AGK: variants seen among roughly 807,000 people sequenced by gnomAD.
AGK encodes acylglycerol kinase, mitochondrial.
Under a neutral mutation model 66.4 loss-of-function variants are expected in AGK, and 52 were observed. The ratio of observed to expected loss-of-function variants is 0.78; its 90% CI spans 0.63 to 0.99. AGK has a LOEUF of 0.99. AGK is among the 50% of genes least tolerant of loss of function. The pLI, the probability that AGK is intolerant of heterozygous loss-of-function variation, is 0.00. For synonymous variants in AGK, 182 were observed against 181.1 expected, an observed-to-expected ratio of 1.00 and a Z score of -0.04; for missense variants, 451 against 506.6, an observed-to-expected ratio of 0.89 and a Z score of 1.05.
intron 3 of AGK, among the ~76,000 whole-genome samples, chr7:141,596,000 CAAAT>C (rs1796216685): frequency 6.6e-6 from 1 of 152,162 alleles, no homozygotes; most frequent in African/African-American, 2.4e-5. Flanking sequence ...GTAAAAATGT[CAAAT>C]AAAAGGTGCT....
At chr7:141,564,502 T>G (rs534886413) in intron 2 of AGK, among the ~76,000 whole-genome samples, 2 of 152,156 alleles carry the variant, frequency 1.3e-5, no homozygotes, top group African/African-American at 4.8e-5. Context: ...AGGGTGGAGG[T>G]AACCACTCCC....
chr7:141,642,007 T>C, intron 13 of AGK, 99 bp downstream of exon 13: 1 of 1,086,306 alleles, frequency 9.2e-7, no homozygotes, highest in Non-Finnish European at 1.4e-6. Flanking sequence ...ATTTTTACCC[T>C]GTGGAGATAG....
At position 141,654,159 on chromosome 7, in the gene AGK, G is replaced by GTGTT. The variant is rs562032879; in HGVS notation, c.*1244_*1247dup. 2.2e-3 allele frequency: 328 copies of GTGTT among 152,024 alleles called. 3 individuals are homozygous for GTGTT. Among genetic ancestry groups the GTGTT allele is most frequent in the African/African-American group, 7.1e-3 (295 of 41,454 alleles). 9.4% of individuals were successfully genotyped at this position (152,024 alleles called of 1,614,324 possible). ...ATTTTTTTTTTAGCTCTTGCTTTAA[G>GTGTT]TGTTTGTTTGTTATCTCAGTCCAGA... On this transcript the variant is annotated 3_prime_UTR_variant, in exon 16 of 16. Transcript: ENST00000649286.
chr7:141,643,493 C>T (rs1320631907), intron 13 of AGK, among the ~76,000 whole-genome samples: 1 of 152,026 alleles, frequency 6.6e-6, no homozygotes, highest in African/African-American at 2.4e-5. Context: ...ACATTCTAAA[C>T]AAACTTTTAA....
intron 2 of AGK, among the ~76,000 whole-genome samples, chr7:141,591,738 T>C (rs1276111900): frequency 6.6e-6 from 1 of 152,254 alleles, no homozygotes; most frequent in Non-Finnish European, 1.5e-5. Flanking sequence ...GTTCATCTTT[T>C]CTGGGTATTT....
chr7:141,575,997 C>A (rs144476933), intron 2 of AGK, among the ~76,000 whole-genome samples: 1,764 of 152,258 alleles, frequency 0.012, 19 homozygotes, highest in Non-Finnish European at 0.018. Flanking sequence ...AACTTGCTAA[C>A]TATGAACTTG....
chr7:141,568,517 C>A (rs1197193451), intron 2 of AGK, among the ~76,000 whole-genome samples: 1 of 152,008 alleles, frequency 6.6e-6, no homozygotes, highest in East Asian at 1.9e-4. Context: ...GTGCTTCTGA[C>A]ACCAGTTCTG....
Position 141,596,711 on chromosome 7 carries a change from A to G in AGK, c.221+70A>G. The G allele has an allele frequency of 4.4e-6, 6 of 1,352,678 alleles. No homozygotes were observed. In the South Asian group the frequency reaches 7.1e-5, roughly 16 times the overall value. 83.8% of individuals were successfully genotyped at this position (1,352,678 alleles called of 1,614,324 possible). Reference sequence around the variant, plus strand: ...GGAAAGAAATCACAGACTATCAGGCAGCTAGTGAGATTGTGTGGAATTGGA... The same window carrying G: ...GGAAAGAAATCACAGACTATCAGGCGGCTAGTGAGATTGTGTGGAATTGGA... On this transcript the variant is annotated intron_variant, in intron 4 of 15. Coordinates refer to ENST00000649286, the MANE Select transcript of AGK (RefSeq NM_018238.4).
intron 14 of AGK, chr7:141,650,764 C>T (rs1354458807): frequency 2.4e-6 from 2 of 842,298 alleles, no homozygotes; most frequent in South Asian, 5.5e-5. Flanking sequence ...CCCACGGTAT[C>T]CTTGGGGTAT....
chr7:141,596,727 T>C, intron 4 of AGK, 86 bp downstream of exon 4: 2 of 1,205,576 alleles, frequency 1.7e-6, no homozygotes, highest in East Asian at 2.3e-5. Flanking sequence ...TGAGATTGTG[T>C]GGAATTGGAA....
Position 141,598,348 on chromosome 7 carries a change from CA to C in AGK, c.221+1711del, listed in dbSNP as rs1342553837. 2.0e-5 allele frequency among the ~76,000 whole-genome samples: 3 copies of C among 152,118 alleles called. No homozygotes were observed. Among genetic ancestry groups the C allele is most frequent in the African/African-American group, 7.2e-5 (3 of 41,414 alleles). ...TCAACAAGCCCTAATATAACACAGT[CA>C]AAATACCTAAGATAAGTAAATTGTC... On this transcript the variant is annotated intron_variant, in intron 4 of 15. Coordinates refer to ENST00000649286, the MANE Select transcript of AGK (RefSeq NM_018238.4). The surrounding 1 kb of genome is among the most constrained non-coding windows in gnomAD (Gnocchi z 4.2).
intron 2 of AGK, among the ~76,000 whole-genome samples, chr7:141,557,247 T>C (rs191048057): frequency 2.3e-3 from 349 of 152,334 alleles, no homozygotes; most frequent in Middle Eastern, 0.02. Flanking sequence ...TGCAATACAT[T>C]CCCCTTCTTT....
chr7:141,558,771 A>G (rs557121722), intron 2 of AGK, among the ~76,000 whole-genome samples: 2 of 152,206 alleles, frequency 1.3e-5, no homozygotes, highest in East Asian at 1.9e-4. Flanking sequence ...CAGTTTCTCC[A>G]CGCCCTCATC....
intron 2 of AGK, among the ~76,000 whole-genome samples, chr7:141,556,540 C>CAAAAAAA (rs35273565): frequency 1.1e-5 from 1 of 88,120 alleles, no homozygotes; most frequent in Non-Finnish European, 2.4e-5. Flanking sequence ...GACCCTGTCT[C>CAAAAAAA]AAAAAAAAAA....
At chr7:141,615,608 G>T (rs1796686944) in intron 8 of AGK, 43 bp downstream of exon 8, 1 of 1,483,390 alleles carries the variant, frequency 6.7e-7, no homozygotes, top group African/African-American at 1.4e-5. Flanking sequence ...GGGTGAGCGA[G>T]ACTGGGAATG....
intron 5 of AGK, among the ~76,000 whole-genome samples, chr7:141,602,930 A>G (rs941083737): frequency 3.3e-5 from 5 of 151,978 alleles, no homozygotes; most frequent in Admixed American, 1.3e-4. Context: ...TGAATTTCCA[A>G]ATCTAAAGTT....
intron 5 of AGK, among the ~76,000 whole-genome samples, chr7:141,606,390 CAG>C (rs1276664846): frequency 1.3e-5 from 2 of 152,176 alleles, no homozygotes; most frequent in African/African-American, 4.8e-5. Context: ...AGCTCAAGCT[CAG>C]AGTCTTTTGT....
rs1277044746 is a variant in AGK, at chr7:141,593,010, C to T, written c.102-136C>T. 6 of 712,572 alleles carry T rather than the reference C, an allele frequency of 8.4e-6. No individual in the cohort carries two copies. In the East Asian group the frequency reaches 1.4e-4, roughly 16 times the overall value. The allele number at this position is 712,572 out of a possible 1,614,324, so 44.1% of individuals were successfully genotyped here. ...TGAGCCACCATGCCCGGCCTGTTATCAGGTTTTTAAGGAACTTTCACTGGG... is the reference window on the plus strand; with the variant it reads ...TGAGCCACCATGCCCGGCCTGTTATTAGGTTTTTAAGGAACTTTCACTGGG... On this transcript the variant is annotated intron_variant, in intron 2 of 15. Transcript: ENST00000649286.
At chr7:141,560,885 C>T (rs1366858429) in intron 2 of AGK, among the ~76,000 whole-genome samples, 1 of 151,810 alleles carries the variant, frequency 6.6e-6, no homozygotes, top group Non-Finnish European at 1.5e-5. Flanking sequence ...CAAGCTCCGC[C>T]TCCCGGCTTC....
Sources: allele counts gnomAD v4.1 joint callset (sites outside exome capture counted in the v4.1 genomes callset), GRCh38; gene constraint gnomAD v4.1.1; non-coding constraint Gnocchi (gnomAD v3.1); transcripts MANE v1.5; gene names NCBI Gene and HGNC (gene_info 2026-07-23, HGNC 2026-07-21).